KIF6: variants seen among roughly 807,000 people sequenced by gnomAD.
The protein encoded by KIF6 is kinesin family member 6.
Under a neutral mutation model 112.7 loss-of-function variants are expected in KIF6, and 106 were observed. That is an observed-to-expected ratio of 0.94 (90% confidence interval 0.80 to 1.11). KIF6 has a LOEUF of 1.11. Ranked by LOEUF, KIF6 falls within the 50% of genes least tolerant of loss-of-function variation. The pLI, the probability that KIF6 is intolerant of heterozygous loss-of-function variation, is 0.00. For missense variants in KIF6, 929 were observed against 964.0 expected (o/e 0.96, Z 0.48); for synonymous variants, 339 against 339.9 (o/e 1.00, Z 0.03).
intron 22 of KIF6, among the ~76,000 whole-genome samples, chr6:39,341,551 GATGACTTGC>G (rs1763326953): frequency 6.6e-6 from 1 of 152,122 alleles, no homozygotes; most frequent in Non-Finnish European, 1.5e-5. Context: ...AACCAGACAT[GATGACTTGC>G]ATATTTCTTT....
At chr6:39,613,164 C>A in intron 6 of KIF6, 25 bp downstream of exon 6, 1 of 1,532,922 alleles carries the variant, frequency 6.5e-7, no homozygotes, top group Non-Finnish European at 8.7e-7. Flanking sequence ...GTTGAAGAAA[C>A]AGCTTGCAGA....
At chr6:39,414,359 G>C (rs1490374428) in intron 15 of KIF6, among the ~76,000 whole-genome samples, 1 of 152,160 alleles carries the variant, frequency 6.6e-6, no homozygotes, top group Non-Finnish European at 1.5e-5. Context: ...ATTGTATACA[G>C]CCTGAGAATA....
chr6:39,576,250 G>A lies in KIF6; in HGVS notation c.1181+1806C>T, dbSNP rs139924942. 3.8e-3 allele frequency among the ~76,000 whole-genome samples: 570 copies of A among 151,774 alleles called. 2 individuals are homozygous for A. The highest frequency in any genetic ancestry group is 0.013 in the African/African-American group (525 of 41,370). ...AGCGATTCTCCTGCCTCAGCCTCCC[G>A]AGTAGCTGGGATTACAGGCATGCAC... On this transcript the variant is annotated intron_variant, in intron 10 of 22. Transcript: ENST00000287152.
chr6:39,451,787 A>G (rs1018235394), intron 13 of KIF6, among the ~76,000 whole-genome samples: 1 of 152,166 alleles, frequency 6.6e-6, no homozygotes. Context: ...ACCCTAACTG[A>G]AAAAGGGTTC....
intron 13 of KIF6, among the ~76,000 whole-genome samples, chr6:39,437,372 T>G (rs753789099): frequency 1.3e-5 from 2 of 152,198 alleles, no homozygotes; most frequent in African/African-American, 2.4e-5. Flanking sequence ...TTTTGTCAGT[T>G]TTGTTTGCAG....
At chr6:39,539,970 C>G in intron 13 of KIF6, 33 bp downstream of exon 13, 1 of 1,505,072 alleles carries the variant, frequency 6.6e-7, no homozygotes. Context: ...CCATTACAGA[C>G]AATGAGAAAT....
chr6:39,417,193 G>T (rs867261191), intron 15 of KIF6, among the ~76,000 whole-genome samples: 2 of 152,110 alleles, frequency 1.3e-5, no homozygotes, highest in African/African-American at 4.8e-5. Context: ...TCCTAACCTG[G>T]TGTCTGAGAT....
intron 13 of KIF6, among the ~76,000 whole-genome samples, chr6:39,484,448 A>G (rs1774994040): frequency 6.6e-6 from 1 of 152,172 alleles, no homozygotes; most frequent in Non-Finnish European, 1.5e-5. Flanking sequence ...AGGAAGGGTC[A>G]ATTCTGTTAG....
intron 14 of KIF6, 93 bp downstream of exon 14, chr6:39,430,960 T>C (rs983245316): frequency 3.1e-6 from 2 of 643,444 alleles, no homozygotes; most frequent in Non-Finnish European, 5.6e-6. Flanking sequence ...AATAGTTATG[T>C]TGGGCAGATT....
intron 6 of KIF6, among the ~76,000 whole-genome samples, chr6:39,601,160 A>C (rs144134600): frequency 5.9e-5 from 9 of 152,230 alleles, no homozygotes; most frequent in Middle Eastern, 3.4e-3. Flanking sequence ...AGCATCTTGT[A>C]CATAATGTTC....
chr6:39,462,222 TG>T (rs1038683678), intron 13 of KIF6, among the ~76,000 whole-genome samples: 8 of 152,340 alleles, frequency 5.3e-5, no homozygotes, highest in African/African-American at 1.9e-4. Flanking sequence ...GAAGGCTTTT[TG>T]CTTTCCTGAT....
chr6:39,697,021 A>G (rs1788582698), intron 3 of KIF6, among the ~76,000 whole-genome samples: 1 of 152,172 alleles, frequency 6.6e-6, no homozygotes, highest in Non-Finnish European at 1.5e-5. Flanking sequence ...GTCATCTCTA[A>G]AAGTCCTCAA....
At chr6:39,577,026 T>C (rs1466993796) in intron 10 of KIF6, among the ~76,000 whole-genome samples, 2 of 152,238 alleles carry the variant, frequency 1.3e-5, no homozygotes, top group East Asian at 1.9e-4. Flanking sequence ...CCCAAGTTGT[T>C]TGAAGAAATG....
At chr6:39,516,135 A>G (rs914713755) in intron 13 of KIF6, among the ~76,000 whole-genome samples, 10 of 152,116 alleles carry the variant, frequency 6.6e-5, no homozygotes, top group African/African-American at 2.4e-4. Flanking sequence ...GGTTTCAAGC[A>G]TTTTGGGTAA....
chr6:39,368,132 G>A (rs966109960), intron 16 of KIF6, among the ~76,000 whole-genome samples: 6 of 152,154 alleles, frequency 3.9e-5, no homozygotes, highest in Non-Finnish European at 7.3e-5. Context: ...AGACATTTGG[G>A]AGCCACTGTG....
intron 9 of KIF6, among the ~76,000 whole-genome samples, chr6:39,581,536 A>G (rs933459258): frequency 3.3e-5 from 5 of 152,230 alleles, no homozygotes; most frequent in Admixed American, 3.3e-4. Flanking sequence ...TCAAACCTAC[A>G]TGAGGTAGAG....
At chr6:39,475,921 C>T (rs1250327890) in intron 13 of KIF6, among the ~76,000 whole-genome samples, 1 of 151,982 alleles carries the variant, frequency 6.6e-6, no homozygotes, top group African/African-American at 2.4e-5. Context: ...AGCTGGAAGC[C>T]ATTATTCTTA....
At position 39,519,165 on chromosome 6, in the gene KIF6, C is replaced by T. The variant is rs936560153; in HGVS notation, c.1645+20838G>A. On this transcript the variant is annotated intron_variant, in intron 13 of 22. Transcript: ENST00000287152. ...CGAGACAGAAAATGTATAAATAATACTTATATTTCGGCTTGTCAGCTTGAG... is the reference window on the plus strand; with the variant it reads ...CGAGACAGAAAATGTATAAATAATATTTATATTTCGGCTTGTCAGCTTGAG... 2.0e-5 allele frequency among the ~76,000 whole-genome samples: 3 copies of T among 152,056 alleles called. No homozygotes were observed. In the East Asian group the frequency reaches 5.8e-4, roughly 29 times the overall value.
chr6:39,449,226 T>C (rs758484762), intron 13 of KIF6, among the ~76,000 whole-genome samples: 12 of 152,202 alleles, frequency 7.9e-5, no homozygotes, highest in Non-Finnish European at 1.3e-4. Flanking sequence ...ATTACGTCAC[T>C]CTCTGCTTTA....
Sources: gnomAD v4.1 joint callset for allele counts (sites outside exome capture counted in the v4.1 genomes callset) on GRCh38, gnomAD v4.1.1 for gene constraint, MANE v1.5 for transcripts, NCBI Gene and HGNC (gene_info 2026-07-23, HGNC 2026-07-21) for gene names.